Variants in UNC79 observed in about 807,000 individuals in gnomAD.
UNC79 encodes the protein protein unc-79 homolog.
A neutral mutation model predicts 283.1 loss-of-function variants in UNC79; 37 were observed. The observed-to-expected ratio is 0.13, with a 90% CI of 0.10 to 0.17. The LOEUF is 0.17. Among genes scored for constraint, UNC79 ranks in the 10% least tolerant of loss-of-function variants. UNC79 has a pLI of 1.00. For synonymous variants in UNC79, 1,107 were observed against 1,200.2 expected, an observed-to-expected ratio of 0.92 and a Z score of 1.61; for missense variants, 2,272 against 3,211.1, an observed-to-expected ratio of 0.71 and a Z score of 7.07.
intron 14 of UNC79, among the ~76,000 whole-genome samples, chr14:93,556,684 GAA>G (rs57312780): frequency 1.1e-3 from 168 of 146,398 alleles, no homozygotes; most frequent in Middle Eastern, 3.6e-3. Context: ...AATTGACTGA[GAA>G]AAAAAAAAAA....
At position 93,593,841 on chromosome 14, in the gene UNC79, C is replaced by A. The variant is rs768668806; in HGVS notation, c.3190+4C>A. Reference sequence around the variant, plus strand: ...TGGAAGATGAGGTTTGAAGCAGGTACCTCTGTGTTAGCTTAAAACTCATTC... The same window carrying A: ...TGGAAGATGAGGTTTGAAGCAGGTAACTCTGTGTTAGCTTAAAACTCATTC... On this transcript the variant is annotated splice_donor_region_variant and intron_variant, in intron 23 of 48. Coordinates refer to ENST00000555664, the Ensembl canonical transcript of UNC79. The A allele has an allele frequency of 6.2e-7, 1 of 1,612,182 alleles. No homozygotes were observed. The highest frequency in any genetic ancestry group is 2.2e-5 in the East Asian group (1 of 44,826).
chr14:93,418,765 T>A (rs1428263383), intron 1 of UNC79, among the ~76,000 whole-genome samples: 4 of 151,828 alleles, frequency 2.6e-5, no homozygotes, highest in African/African-American at 9.7e-5. Context: ...GCCTTGCAGT[T>A]TGATCTCAGA....
At chr14:93,643,844 C>T in intron 34 of UNC79, 147 bp downstream of exon 37, 3 of 1,220,904 alleles carry the variant, frequency 2.5e-6, no homozygotes, top group African/African-American at 1.5e-5. Flanking sequence ...GTTTTAAAAA[C>T]CAAATAGACT....
At chr14:93,702,235 A>T (rs1203145938) in intron 47 of UNC79, among the ~76,000 whole-genome samples, 1 of 152,170 alleles carries the variant, frequency 6.6e-6, no homozygotes, top group Non-Finnish European at 1.5e-5. Context: ...TCTGGTACCA[A>T]TCTTTGTAAT....
rs773763419 is a variant in UNC79, at chr14:93,622,402, C to T, written c.5169C>T (p.Ala1723=). Residue 1723 remains alanine, a synonymous_variant, in exon 30 of 49, where the codon GCC becomes GCT. Coordinates refer to ENST00000555664, the Ensembl canonical transcript of UNC79. ...TCACTCTGGAAGACCCTATGGACGCCGAAGGATCCTCAAAGCCAGAGGAGC... is the reference window on the plus strand; with the variant it reads ...TCACTCTGGAAGACCCTATGGACGCTGAAGGATCCTCAAAGCCAGAGGAGC... 2.0e-5 allele frequency: 33 copies of T among 1,614,114 alleles called. 1 individual carries two copies. In the South Asian group the frequency reaches 2.6e-4, roughly 13 times the overall value.
rs1325079302 is a variant in UNC79, at chr14:93,474,893, A to G, written c.448+500A>G. On this transcript the variant is annotated intron_variant, in intron 3 of 48. Transcript: ENST00000555664. The surrounding 1 kb of genome is among the most constrained non-coding windows in gnomAD (Gnocchi z 4.1). ...AAGTAATCTCTAACAACTCTTCCAA[A>G]TGTAAACAACAATCAATAGTTATTA... Among the ~76,000 whole-genome samples, 1 of 152,234 alleles carries G rather than the reference A, an allele frequency of 6.6e-6. No individual in the cohort carries two copies. Among genetic ancestry groups the G allele is most frequent in the Non-Finnish European group, 1.5e-5 (1 of 68,030 alleles).
At chr14:93,652,150 C>T (rs1467209950) in intron 35 of UNC79, among the ~76,000 whole-genome samples, 1 of 152,108 alleles carries the variant, frequency 6.6e-6, no homozygotes, top group Non-Finnish European at 1.5e-5. Flanking sequence ...TTCTTGTTTC[C>T]TCTCTTACAG....
intron 1 of UNC79, among the ~76,000 whole-genome samples, chr14:93,394,885 A>AT (rs1300102752): frequency 1.3e-5 from 2 of 151,446 alleles, no homozygotes; most frequent in Non-Finnish European, 2.9e-5. Context: ...CTAATTTTTA[A>AT]TTTTTTTTGT....
At chr14:93,642,284 G>A (rs2069113352) in intron 33 of UNC79, among the ~76,000 whole-genome samples, 2 of 152,000 alleles carry the variant, frequency 1.3e-5, no homozygotes, top group Admixed American at 1.3e-4. Flanking sequence ...AATTAGCTGG[G>A]CCTGGTGGCG....
intron 22 of UNC79, among the ~76,000 whole-genome samples, chr14:93,590,325 A>G (rs541315085): frequency 6.4e-4 from 97 of 152,270 alleles, no homozygotes; most frequent in Middle Eastern, 6.8e-3. Flanking sequence ...CAGGGATTCT[A>G]CAGCTGCAGT....
rs147697431 is a variant in UNC79, at chr14:93,582,877, G to A, written c.2803+533G>A. Reference sequence around the variant, plus strand: ...ACTCTAGCTCCTCTCACATGAGGACGTTTAGGGATTTCAGGATGTGACCCC... The same window carrying A: ...ACTCTAGCTCCTCTCACATGAGGACATTTAGGGATTTCAGGATGTGACCCC... On this transcript the variant is annotated intron_variant, in intron 20 of 48. Coordinates refer to ENST00000555664, the Ensembl canonical transcript of UNC79. 1.9e-4 allele frequency among the ~76,000 whole-genome samples: 29 copies of A among 152,204 alleles called. 1 individual carries two copies. The East Asian group carries it at 5.2e-3, about 27-fold the overall frequency.
exon 30 of UNC79, chr14:93,622,241 G>A (rs4905081): frequency 0.48 from 779,915 of 1,613,694 alleles, 193,833 homozygotes; most frequent in Admixed American, 0.56. Context: ...TTCTCCCTCC[G>A]TCCCCAGCCA....
intron 45 of UNC79, chr14:93,691,524 C>T: frequency 1.7e-6 from 1 of 587,628 alleles, no homozygotes; most frequent in Admixed American, 3.0e-5. Flanking sequence ...GGTGCCTTCT[C>T]TTAAAAAATG....
intron 40 of UNC79, among the ~76,000 whole-genome samples, chr14:93,672,326 A>G (rs771339678): frequency 3.2e-4 from 49 of 152,246 alleles, no homozygotes; most frequent in African/African-American, 7.7e-4. Flanking sequence ...TGTGGCATGT[A>G]TACATAATGA....
At chr14:93,424,055 A>T (rs1044179868) in intron 1 of UNC79, among the ~76,000 whole-genome samples, 5 of 152,230 alleles carry the variant, frequency 3.3e-5, no homozygotes, top group Admixed American at 2.0e-4. Context: ...TGGGCAAAAG[A>T]TTTAAATAGA....
chr14:93,640,027 G>A (rs552208802), intron 32 of UNC79, among the ~76,000 whole-genome samples: 3 of 152,228 alleles, frequency 2.0e-5, no homozygotes, highest in South Asian at 2.1e-4. Flanking sequence ...GGAACTTAGC[G>A]TTTTAGTTAT....
At chr14:93,662,579 T>C (rs1161530822) in intron 39 of UNC79, 25 bp from the exon 43 acceptor site, 1 of 1,494,452 alleles carries the variant, frequency 6.7e-7, no homozygotes, top group South Asian at 1.2e-5. Context: ...GCAATTGACT[T>C]TATTTGGCCC....
intron 11 of UNC79, among the ~76,000 whole-genome samples, chr14:93,534,895 T>A (rs78132641): frequency 0.017 from 2,553 of 152,338 alleles, 26 homozygotes; most frequent in Non-Finnish European, 0.026. Context: ...AAACATTGTG[T>A]TTTACACAGA....
At chr14:93,612,102 G>A (rs774802649) in intron 26 of UNC79, among the ~76,000 whole-genome samples, 15 of 152,164 alleles carry the variant, frequency 9.9e-5, no homozygotes, top group Non-Finnish European at 2.1e-4. Context: ...TGAACTTTCC[G>A]CTCACCTTCA....
Sources: allele counts gnomAD v4.1 joint callset (sites outside exome capture counted in the v4.1 genomes callset), GRCh38; gene constraint gnomAD v4.1.1; non-coding constraint Gnocchi (gnomAD v3.1); transcripts MANE v1.5; gene names NCBI Gene and HGNC (gene_info 2026-07-23, HGNC 2026-07-21).